Variants in RAI14 observed in about 807,000 individuals in gnomAD.
RAI14 encodes retinoic acid induced 14.
In RAI14, 45 loss-of-function variants were observed where a neutral mutation model predicts 115.4. That is an observed-to-expected ratio of 0.39 (90% CI 0.31 to 0.50). The LOEUF is 0.50. Among genes scored for constraint, RAI14 ranks in the 20% least tolerant of loss-of-function variants. The pLI is 0.85. For missense variants in RAI14, 939 were observed against 1,131.2 expected, an observed-to-expected ratio of 0.83 and a Z score of 2.44; for synonymous variants, 371 against 415.4, an observed-to-expected ratio of 0.89 and a Z score of 1.30.
intron 2 of RAI14, among the ~76,000 whole-genome samples, chr5:34,754,874 T>C (rs1022475827): frequency 1.3e-5 from 2 of 152,146 alleles, no homozygotes; most frequent in Non-Finnish European, 2.9e-5. Context: ...TACCTAAGAG[T>C]AGAGTGCCTT....
At chr5:34,780,898 C>G (rs572036637) in intron 3 of RAI14, among the ~76,000 whole-genome samples, 17 of 152,230 alleles carry the variant, frequency 1.1e-4, no homozygotes, top group African/African-American at 4.1e-4. Context: ...ATAAATTATG[C>G]TGCTATAAAG....
intron 1 of RAI14, among the ~76,000 whole-genome samples, chr5:34,679,085 G>C (rs762485518): frequency 1.3e-5 from 2 of 152,102 alleles, no homozygotes; most frequent in Non-Finnish European, 2.9e-5. Flanking sequence ...TCAGACACCC[G>C]TCCAACCTCT....
intron 3 of RAI14, among the ~76,000 whole-genome samples, chr5:34,793,384 A>T (rs1177712746): frequency 6.6e-6 from 1 of 152,198 alleles, no homozygotes; most frequent in East Asian, 1.9e-4. Flanking sequence ...AGACTATGTA[A>T]TCCAGAGGTA....
At chr5:34,756,236 T>C (rs973614471) in intron 2 of RAI14, among the ~76,000 whole-genome samples, 3 of 152,196 alleles carry the variant, frequency 2.0e-5, no homozygotes, top group Non-Finnish European at 4.4e-5. Flanking sequence ...ATTGGGAACA[T>C]ACTCCCGGGG....
intron 12 of RAI14, among the ~76,000 whole-genome samples, chr5:34,815,763 T>C (rs1173603378): frequency 2.0e-5 from 3 of 152,096 alleles, no homozygotes; most frequent in African/African-American, 4.8e-5. Flanking sequence ...TAACAATGCA[T>C]TGGATTCTGA....
intron 7 of RAI14, among the ~76,000 whole-genome samples, chr5:34,808,884 C>T (rs748722670): frequency 1.3e-5 from 2 of 152,192 alleles, no homozygotes; most frequent in East Asian, 1.9e-4. Flanking sequence ...AGATCCCTCA[C>T]GTGCTCAGTT....
At chr5:34,780,381 T>A (rs1751459155) in intron 3 of RAI14, among the ~76,000 whole-genome samples, 1 of 152,126 alleles carries the variant, frequency 6.6e-6, no homozygotes, top group Middle Eastern at 3.2e-3. Context: ...ATGGGATTAA[T>A]TAAACTAAAG....
intron 4 of RAI14, 42 bp from the exon 5 acceptor site, chr5:34,803,665 AGTGTG>A: frequency 6.8e-7 from 1 of 1,461,662 alleles, no homozygotes; most frequent in Non-Finnish European, 9.3e-7. Flanking sequence ...TTTTTTTTAA[AGTGTG>A]GCCTTTTTAA....
At position 34,764,528 on chromosome 5, in the gene RAI14, A is replaced by G. The variant is rs561472196; in HGVS notation, c.167+6930A>G. Among the ~76,000 whole-genome samples, 205 of 143,498 alleles carry G rather than the reference A, an allele frequency of 1.4e-3. 2 individuals are homozygous for G. Among genetic ancestry groups the G allele is most frequent in the Non-Finnish European group, 5.1e-4 (34 of 66,762 alleles). The allele number at this position is 143,498 out of a possible 152,430, so 94.1% of individuals were successfully genotyped here. A position where few individuals can be genotyped will look rare whatever the true frequency, so the allele number is the denominator to read the frequency against. Reference sequence around the variant, plus strand: ...AGGCTGAGGAAGGCCCAGGAAGCACAGGTGAATTTTCTCTCTCTCTCTCTC... The same window carrying G: ...AGGCTGAGGAAGGCCCAGGAAGCACGGGTGAATTTTCTCTCTCTCTCTCTC... On this transcript the variant is annotated intron_variant, in intron 3 of 17. Transcript: ENST00000265109.
At chr5:34,720,949 C>T (rs1394060864) in intron 2 of RAI14, among the ~76,000 whole-genome samples, 3 of 152,006 alleles carry the variant, frequency 2.0e-5, no homozygotes, top group Non-Finnish European at 4.4e-5. Flanking sequence ...GCTCAGCCTC[C>T]GGAGTAGCTG....
intron 1 of RAI14, among the ~76,000 whole-genome samples, chr5:34,685,350 C>T (rs1397190117): frequency 6.6e-6 from 1 of 152,044 alleles, no homozygotes; most frequent in Non-Finnish European, 1.5e-5. Flanking sequence ...AGTGAAGTAA[C>T]TCAGGAATGG....
At chr5:34,809,905 T>A (rs1431336108) in intron 7 of RAI14, among the ~76,000 whole-genome samples, 1 of 152,188 alleles carries the variant, frequency 6.6e-6, no homozygotes, top group Non-Finnish European at 1.5e-5. Flanking sequence ...TAAATTTATA[T>A]ACCTATCACA....
At position 34,823,363 on chromosome 5, in the gene RAI14, A is replaced by C. The variant is rs771556518; in HGVS notation, c.1521A>C (p.Lys507Asn). The C allele has an allele frequency of 3.7e-6, 6 of 1,613,956 alleles. No individual in the cohort carries two copies. Among genetic ancestry groups the C allele is most frequent in the Non-Finnish European group, 5.1e-6 (6 of 1,180,000 alleles). ...TCCTTAGTGTGCAGAAGCAGATGAA[A>C]CTCGGTCTTGTCTCACCTGAAAGCA... ...KEVLSVQKQMKLGLVSPESMD... is the reference protein window; with the variant it reads ...KEVLSVQKQMNLGLVSPESMD... Residue 507 changes from lysine to asparagine, a missense_variant, in exon 15 of 18, where the codon AAA (lysine) becomes AAC (asparagine). Lys to Asn is a moderately conservative substitution (Grantham distance 94, BLOSUM62 0). Transcript: ENST00000265109. This position sits in a 1 kb window ranked among gnomAD's most constrained non-coding sequence, Gnocchi z 4.5.
At chr5:34,797,543 G>C (rs1753692122) in intron 4 of RAI14, among the ~76,000 whole-genome samples, 1 of 152,102 alleles carries the variant, frequency 6.6e-6, no homozygotes, top group Non-Finnish European at 1.5e-5. Flanking sequence ...AAAATAGGGA[G>C]TGATTGAAAT....
chr5:34,680,196 G>A (rs1029078269), intron 1 of RAI14, among the ~76,000 whole-genome samples: 3 of 152,158 alleles, frequency 2.0e-5, no homozygotes, highest in Admixed American at 2.0e-4. Flanking sequence ...AGAGAACTAT[G>A]AAGTGATTCC....
rs899346061 is a variant in RAI14 at position 34,707,445 on chromosome 5, C to T, written c.36+20490C>T. Among the ~76,000 whole-genome samples the T allele has an allele frequency of 4.6e-5, 7 of 152,124 alleles. No homozygotes were observed. The East Asian group carries it at 7.7e-4, about 17-fold the overall frequency. ...ATCACGCTACTGCACTCCAGCCTGG[C>T]GACAGAGCGAGACTCCGTCTCAAAA... On this transcript the variant is annotated intron_variant, in intron 2 of 17. Transcript: ENST00000265109.
At chr5:34,798,886 A>G (rs888527731) in intron 4 of RAI14, among the ~76,000 whole-genome samples, 3 of 152,204 alleles carry the variant, frequency 2.0e-5, no homozygotes, top group African/African-American at 7.2e-5. Flanking sequence ...TTGTCCAAAC[A>G]TTCCATGGGT....
intron 3 of RAI14, among the ~76,000 whole-genome samples, chr5:34,786,150 G>A (rs1752267144): frequency 6.6e-6 from 1 of 152,184 alleles, no homozygotes; most frequent in Non-Finnish European, 1.5e-5. Context: ...CCCGGGATGG[G>A]CCCCTCATGC....
At chr5:34,716,668 C>G (rs959237821) in intron 2 of RAI14, 4 of 152,268 alleles carry the variant, frequency 2.6e-5, no homozygotes, top group Non-Finnish European at 5.9e-5. Context: ...CCACCTCAGC[C>G]TCCCAAAGTG....
Sources: gnomAD v4.1 joint callset for allele counts (sites outside exome capture counted in the v4.1 genomes callset) on GRCh38, gnomAD v4.1.1 for gene constraint, Gnocchi (gnomAD v3.1) non-coding constraint, MANE v1.5 for transcripts, NCBI Gene and HGNC (gene_info 2026-07-23, HGNC 2026-07-21) for gene names.